The following AVEN variants were observed in gnomAD, a reference collection of about 807,000 sequenced individuals.
AVEN encodes apoptosis and caspase activation inhibitor, also known as cell death regulator Aven.
In AVEN, 41 loss-of-function variants were observed where a neutral mutation model predicts 38.1. The ratio of observed to expected loss-of-function variants is 1.08; its 90% CI spans 0.84 to 1.40. The LOEUF (loss-of-function observed/expected upper bound fraction) is 1.40. AVEN is among the 40% of genes most tolerant of loss of function. The pLI, the probability that AVEN is intolerant of heterozygous loss-of-function variation, is 0.00. For missense variants in AVEN, 605 were observed against 438.8 expected (o/e 1.38, Z -3.38); for synonymous variants, 206 against 171.8 (o/e 1.20, Z -1.56).
At chr15:33,896,991 GA>G (rs1205304650) in intron 2 of AVEN, among the ~76,000 whole-genome samples, 5 of 152,128 alleles carry the variant, frequency 3.3e-5, no homozygotes, top group African/African-American at 1.2e-4. Context: ...TAGTAAAAAG[GA>G]ACAGACTTCC....
chr15:34,069,802 T>G (rs1335484540), intron 2 of AVEN, among the ~76,000 whole-genome samples: 1 of 152,244 alleles, frequency 6.6e-6, no homozygotes, highest in Non-Finnish European at 1.5e-5. Context: ...GGTTTGCTCC[T>G]ATTTATATTG....
Position 33,989,266 on chromosome 15 carries a change from C to T in AVEN, c.445+13766G>A, listed in dbSNP as rs188907758. Among the ~76,000 whole-genome samples, 14 of 152,156 alleles carry T rather than the reference C, an allele frequency of 9.2e-5. No individual in the cohort carries two copies. In the Middle Eastern group the frequency reaches 0.01, roughly 111 times the overall value. ...TTCATGACAGCCCCGTGTTAATGACCTAATTTCAAATATGACCCACAGTAT... is the reference window on the plus strand; with the variant it reads ...TTCATGACAGCCCCGTGTTAATGACTTAATTTCAAATATGACCCACAGTAT... On this transcript the variant is annotated intron_variant, in intron 2 of 5. Transcript: ENST00000306730.
intron 2 of AVEN, among the ~76,000 whole-genome samples, chr15:33,936,274 A>AAAATGCAAAAGCATCTGCAGAC (rs1894057033): frequency 2.0e-5 from 3 of 152,240 alleles, no homozygotes; most frequent in Admixed American, 2.0e-4. Context: ...ACTACATGGA[A>AAAATGCAAAAGCATCTGCAGAC]AAATGCAAAA....
chr15:33,898,572 C>CTG (rs35922470), intron 2 of AVEN, among the ~76,000 whole-genome samples: 1 of 13,796 alleles, frequency 7.2e-5, no homozygotes, highest in African/African-American at 4.8e-4. Context: ...GCCTTCTTCC[C>CTG]TGTGTCTCTG....
upstream of AVEN, among the ~76,000 whole-genome samples, chr15:34,040,923 T>A: frequency 6.6e-6 from 1 of 150,992 alleles, no homozygotes; most frequent in South Asian, 2.1e-4. Context: ...GATTTCAACA[T>A]GAATTTTGAG....
chr15:33,889,938 G>C (rs1891863825), intron 2 of AVEN, among the ~76,000 whole-genome samples: 1 of 152,122 alleles, frequency 6.6e-6, no homozygotes. Flanking sequence ...TCCACCAATG[G>C]GGTCAAGGTA....
At chr15:33,993,906 C>A (rs1896829831) in intron 2 of AVEN, among the ~76,000 whole-genome samples, 1 of 152,100 alleles carries the variant, frequency 6.6e-6, no homozygotes, top group South Asian at 2.1e-4. Context: ...GGGCATGTTT[C>A]TTTTACTTCA....
At chr15:34,067,938 A>T (rs1421293031) in intron 2 of AVEN, among the ~76,000 whole-genome samples, 2 of 152,228 alleles carry the variant, frequency 1.3e-5, no homozygotes, top group African/African-American at 2.4e-5. Flanking sequence ...GAGTGAGCGG[A>T]AGAAGGGAAA....
At chr15:34,017,490 T>G (rs964873036) in intron 1 of AVEN, among the ~76,000 whole-genome samples, 4 of 82,544 alleles carry the variant, frequency 4.8e-5, no homozygotes, top group African/African-American at 1.2e-4. Flanking sequence ...TTTTGTTTTT[T>G]TTTTTTTTTT....
chr15:33,927,990 C>G (rs1304521262), intron 2 of AVEN, among the ~76,000 whole-genome samples: 1 of 152,122 alleles, frequency 6.6e-6, no homozygotes, highest in Non-Finnish European at 1.5e-5. Flanking sequence ...TACTGTGTGT[C>G]CTACTATGCC....
intron 2 of AVEN, among the ~76,000 whole-genome samples, chr15:33,904,101 A>G (rs1381851753): frequency 6.6e-6 from 1 of 152,246 alleles, no homozygotes; most frequent in Non-Finnish European, 1.5e-5. Flanking sequence ...TATGCAGTGC[A>G]TGACTGTATA....
chr15:33,854,743 A>C (rs1396202520), downstream of AVEN: 1 of 1,583,946 alleles, frequency 6.3e-7, no homozygotes, highest in African/African-American at 1.4e-5. Flanking sequence ...CATGCTTAAA[A>C]GTCTGCTTTC....
At chr15:33,949,673 G>C (rs1431826067) in intron 2 of AVEN, among the ~76,000 whole-genome samples, 1 of 152,074 alleles carries the variant, frequency 6.6e-6, no homozygotes, top group African/African-American at 2.4e-5. Context: ...ATGATTTTCT[G>C]AATTTACGAA....
intron 3 of AVEN, among the ~76,000 whole-genome samples, chr15:33,872,553 G>C (rs1011489551): frequency 6.6e-6 from 1 of 151,936 alleles, no homozygotes; most frequent in African/African-American, 2.4e-5. Flanking sequence ...GGGTGGCGTG[G>C]GGGGAGCCGG....
intron 2 of AVEN, among the ~76,000 whole-genome samples, chr15:33,876,234 A>C (rs1374482967): frequency 1.3e-5 from 2 of 152,144 alleles, no homozygotes; most frequent in Admixed American, 1.3e-4. Context: ...AAAGGATAAA[A>C]TCACTACTCT....
intron 1 of AVEN, among the ~76,000 whole-genome samples, chr15:34,007,797 G>A (rs481021): frequency 0.038 from 5,717 of 152,244 alleles, 155 homozygotes; most frequent in Non-Finnish European, 0.057. Context: ...GGTAGGGTTG[G>A]CTCTTTCTGG....
intron 2 of AVEN, among the ~76,000 whole-genome samples, chr15:33,918,620 T>C (rs953859286): frequency 1.3e-5 from 2 of 151,352 alleles, no homozygotes; most frequent in Non-Finnish European, 2.9e-5. Context: ...GCCTGGCTAA[T>C]TTTTTGTATT....
chr15:34,065,963 G>T (rs1161570341), intron 4 of AVEN: 1 of 152,254 alleles, frequency 6.6e-6, no homozygotes, highest in East Asian at 1.9e-4. Context: ...CTGGGAATTA[G>T]ATATGTACCT....
intron 2 of AVEN, among the ~76,000 whole-genome samples, chr15:33,996,460 C>T (rs1401931134): frequency 6.6e-6 from 1 of 152,160 alleles, no homozygotes; most frequent in East Asian, 1.9e-4. Flanking sequence ...CAGGCGGGTG[C>T]CCCTCTGGGA....
Sources: allele counts gnomAD v4.1 joint callset (sites outside exome capture counted in the v4.1 genomes callset), GRCh38; gene constraint gnomAD v4.1.1; transcripts MANE v1.5; gene names NCBI Gene and HGNC (gene_info 2026-07-23, HGNC 2026-07-21).